ANKRD33B: variants seen among roughly 807,000 people sequenced by gnomAD.
ANKRD33B encodes the protein ankyrin repeat domain 33B.
ANKRD33B carries 6 observed loss-of-function variants against 21.5 expected under a neutral mutation model. That is an observed-to-expected ratio of 0.28 (90% confidence interval 0.15 to 0.55). The LOEUF (loss-of-function observed/expected upper bound fraction) is 0.55, where lower values mean the gene tolerates loss of function less well. ANKRD33B is among the 20% of genes least tolerant of loss of function. The pLI, the probability that ANKRD33B is intolerant of heterozygous loss-of-function variation, is 0.94. For missense variants in ANKRD33B, 698 were observed against 747.2 expected, an observed-to-expected ratio of 0.93 and a Z score of 0.77; for synonymous variants, 347 against 342.4, an observed-to-expected ratio of 1.01 and a Z score of -0.15.
chr5:10,604,345 C>T (rs895320498), intron 1 of ANKRD33B, among the ~76,000 whole-genome samples: 2 of 151,400 alleles, frequency 1.3e-5, no homozygotes, highest in Admixed American at 1.3e-4. Flanking sequence ...ATATGCGCCA[C>T]CGCACCCGGC....
At chr5:10,570,936 A>T (rs1262370376) in intron 1 of ANKRD33B, among the ~76,000 whole-genome samples, 1 of 144,288 alleles carries the variant, frequency 6.9e-6, no homozygotes, top group Non-Finnish European at 1.5e-5. Context: ...ATTAGGACTC[A>T]TTAAAGAAGA....
At chr5:10,603,881 A>G (rs1187742151) in intron 1 of ANKRD33B, among the ~76,000 whole-genome samples, 2 of 151,602 alleles carry the variant, frequency 1.3e-5, no homozygotes, top group African/African-American at 4.8e-5. Flanking sequence ...TTTTAAAATA[A>G]TTTCAAAAGG....
At chr5:10,610,985 G>C (rs541073334) in intron 1 of ANKRD33B, among the ~76,000 whole-genome samples, 1 of 152,134 alleles carries the variant, frequency 6.6e-6, no homozygotes, top group Non-Finnish European at 1.5e-5. Context: ...CGGAGGTTGC[G>C]GTAAGCTGAG....
At position 10,649,606 on chromosome 5, in the gene ANKRD33B, C is replaced by T. The variant is rs1313419908; in HGVS notation, c.978C>T (p.Thr326=). 21 of 1,530,832 alleles carry T rather than the reference C, an allele frequency of 1.4e-5. No homozygotes were observed. The highest frequency in any genetic ancestry group is 1.8e-5 in the Non-Finnish European group (21 of 1,144,546). 94.8% of individuals were successfully genotyped at this position (1,530,832 alleles called of 1,614,324 possible). ...CCGCCGTGGCCATCGTGTGCCAGAC[C>T]GTGTGCCCTGAGAGCCCTCCGAGCG... ...YSPAVAIVCQ[T]VCPESPPSVG... The change falls in exon 4 of 4, where the codon ACC becomes ACT. Residue 326 remains threonine, a synonymous_variant. Coordinates refer to ENST00000296657, the MANE Select transcript of ANKRD33B (RefSeq NM_001164440.2).
chr5:10,607,819 G>C (rs944034648), intron 1 of ANKRD33B, among the ~76,000 whole-genome samples: 2 of 152,342 alleles, frequency 1.3e-5, no homozygotes, highest in African/African-American at 4.8e-5. Flanking sequence ...CTGCTGGACT[G>C]TCTGTGAGTT....
At chr5:10,622,046 A>G (rs953842543) in intron 2 of ANKRD33B, among the ~76,000 whole-genome samples, 2 of 152,244 alleles carry the variant, frequency 1.3e-5, no homozygotes, top group Admixed American at 1.3e-4. Flanking sequence ...TGAGAAATAA[A>G]TGTCTATTGT....
chr5:10,649,927 G>C lies in ANKRD33B; in HGVS notation c.1299G>C (p.Ala433=), dbSNP rs1342803042. The change falls in exon 4 of 4, where the codon GCG becomes GCC. Residue 433 remains alanine (A), a synonymous_variant. Transcript: ENST00000296657. ...VPRVRVSKAP[A]PTFQPERPAR... ...GGGTCCGAGTCAGCAAGGCGCCCGC[G>C]CCCACCTTCCAGCCCGAGCGGCCGG... The C allele has an allele frequency of 6.6e-7, 1 of 1,524,642 alleles. No homozygotes were observed. Among genetic ancestry groups the C allele is most frequent in the Non-Finnish European group, 8.8e-7 (1 of 1,141,774 alleles). 94.4% of individuals were successfully genotyped at this position (1,524,642 alleles called of 1,614,324 possible).
chr5:10,647,610 T>C (rs1474490649), intron 3 of ANKRD33B, among the ~76,000 whole-genome samples: 1 of 152,078 alleles, frequency 6.6e-6, no homozygotes, highest in African/African-American at 2.4e-5. Context: ...AGGGAGACTG[T>C]GTAAGGGGAC....
intron 2 of ANKRD33B, among the ~76,000 whole-genome samples, chr5:10,632,805 T>A (rs1051538841): frequency 6.6e-6 from 1 of 152,216 alleles, no homozygotes; most frequent in Non-Finnish European, 1.5e-5. Context: ...GTATTTATTT[T>A]GAGACAGTGT....
At chr5:10,577,953 A>C (rs965727753) in intron 1 of ANKRD33B, among the ~76,000 whole-genome samples, 2 of 152,172 alleles carry the variant, frequency 1.3e-5, no homozygotes, top group Admixed American at 1.3e-4. Flanking sequence ...CCTTGGGAGT[A>C]CAAAGGCCCT....
chr5:10,565,421 T>A (rs1489028426), intron 1 of ANKRD33B, among the ~76,000 whole-genome samples: 1 of 152,216 alleles, frequency 6.6e-6, no homozygotes, highest in Non-Finnish European at 1.5e-5. Context: ...CTGAGCTTTG[T>A]GGCCCGCGCC....
In ANKRD33B at chr5:10,618,480, CCT is replaced by C; in HGVS notation, c.496+19_496+20del. On this transcript the variant is annotated intron_variant, in intron 2 of 3. Transcript: ENST00000296657. ...ACAGGCAGGTAAGAGCTGGCTTTCC[CCT>C]TTCCTCTCAGAGCCGTGGCCAGAGC... 4 of 1,514,394 alleles carry C rather than the reference CCT, an allele frequency of 2.6e-6. No individual in the cohort carries two copies. The highest frequency in any genetic ancestry group is 3.5e-6 in the Non-Finnish European group (4 of 1,133,936). 93.8% of individuals were successfully genotyped at this position (1,514,394 alleles called of 1,614,324 possible).
chr5:10,641,229 T>C (rs1054194099), intron 3 of ANKRD33B, among the ~76,000 whole-genome samples: 9 of 112,138 alleles, frequency 8.0e-5, no homozygotes, highest in Admixed American at 1.6e-4. Flanking sequence ...CTTCTTCTTT[T>C]TTTTTTTTTT....
At chr5:10,599,309 T>G (rs1438734779) in intron 1 of ANKRD33B, among the ~76,000 whole-genome samples, 1 of 152,212 alleles carries the variant, frequency 6.6e-6, no homozygotes, top group East Asian at 1.9e-4. Context: ...ACTTGATAGT[T>G]TGGGGCATAT....
chr5:10,586,215 G>A (rs548106835), intron 1 of ANKRD33B, among the ~76,000 whole-genome samples: 1 of 151,682 alleles, frequency 6.6e-6, no homozygotes, highest in African/African-American at 2.4e-5. Context: ...ATATACTCAA[G>A]TCCCACAATC....
chr5:10,568,036 A>G (rs1391595257), intron 1 of ANKRD33B, among the ~76,000 whole-genome samples: 1 of 152,224 alleles, frequency 6.6e-6, no homozygotes, highest in Non-Finnish European at 1.5e-5. Context: ...CTGAGCTGAC[A>G]GGCATTCCAT....
At chr5:10,634,241 C>T (rs1000726539) in intron 2 of ANKRD33B, among the ~76,000 whole-genome samples, 5 of 152,188 alleles carry the variant, frequency 3.3e-5, no homozygotes, top group African/African-American at 1.2e-4. Flanking sequence ...GTACTGAGCT[C>T]ATTGTCTACA....
chr5:10,570,713 C>A (rs188863225), intron 1 of ANKRD33B, among the ~76,000 whole-genome samples: 5 of 152,016 alleles, frequency 3.3e-5, no homozygotes, highest in African/African-American at 1.2e-4. Context: ...CACACCTCCA[C>A]GCCAGGCTAA....
chr5:10,586,724 G>A (rs1330513033), intron 1 of ANKRD33B, among the ~76,000 whole-genome samples: 2 of 152,130 alleles, frequency 1.3e-5, no homozygotes, highest in Non-Finnish European at 2.9e-5. Flanking sequence ...TCTTTCCAGT[G>A]CAAACATGGC....
Sources: allele counts gnomAD v4.1 joint callset (sites outside exome capture counted in the v4.1 genomes callset), GRCh38; gene constraint gnomAD v4.1.1; transcripts MANE v1.5; gene names NCBI Gene and HGNC (gene_info 2026-07-23, HGNC 2026-07-21).